The following ANXA3 variants were observed in gnomAD, a reference collection of about 807,000 sequenced individuals.
ANXA3 encodes the protein 35-alpha calcimedin.
A neutral mutation model predicts 48.8 loss-of-function variants in ANXA3; 46 were observed. That is an observed-to-expected ratio of 0.94 (90% CI 0.74 to 1.21). The LOEUF (loss-of-function observed/expected upper bound fraction) is 1.21. Ranked by LOEUF, ANXA3 falls within the 50% of genes most tolerant of loss-of-function variation. The pLI is 0.00. For missense variants in ANXA3, 383 were observed against 378.6 expected (o/e 1.01, Z -0.10); for synonymous variants, 128 against 134.7 (o/e 0.95, Z 0.35).
At chr4:78,608,710 G>A (rs1320619025) in intron 12 of ANXA3, among the ~76,000 whole-genome samples, 1 of 152,114 alleles carries the variant, frequency 6.6e-6, no homozygotes, top group African/African-American at 2.4e-5. Context: ...AGAGGATCAG[G>A]TTTTAGGTTG....
intron 11 of ANXA3, chr4:78,602,141 T>G (rs1421923717): frequency 6.7e-6 from 1 of 148,706 alleles, no homozygotes; most frequent in Admixed American, 6.8e-5. Context: ...CTCGCGAGGC[T>G]GAGGCAGAGA....
chr4:78,580,021 A>G (rs1465115754), intron 4 of ANXA3, among the ~76,000 whole-genome samples: 1 of 152,270 alleles, frequency 6.6e-6, no homozygotes, highest in Non-Finnish European at 1.5e-5. Context: ...AATCTGTGTT[A>G]GGAGATATCC....
chr4:78,593,113 C>CA (rs1723334676), intron 7 of ANXA3, among the ~76,000 whole-genome samples: 44 of 144,030 alleles, frequency 3.1e-4, no homozygotes, highest in Middle Eastern at 3.6e-3. Flanking sequence ...AACACACATA[C>CA]CACACACACA....
chr4:78,576,250 G>C (rs1477095294), intron 3 of ANXA3, among the ~76,000 whole-genome samples: 1 of 151,760 alleles, frequency 6.6e-6, no homozygotes, highest in African/African-American at 2.4e-5. Context: ...CTGCCTGTTT[G>C]AGGTTTATTT....
In ANXA3 at chr4:78,597,336, A is replaced by C. The variant is rs1430644112; in HGVS notation, c.652A>C (p.Asn218His). Residue 218 changes from asparagine to histidine, a missense_variant, in exon 10 of 13, where the codon AAT (asparagine) becomes CAT (histidine). By Grantham distance (68) the Asn-to-His change is moderately conservative (BLOSUM62 1). Coordinates refer to ENST00000264908, the MANE Select transcript of ANXA3 (RefSeq NM_005139.3). ...CTTTTTAGCATTTGATGAATACAGA[A>C]ATATCAGCCAAAAGGACATTGTGGA... ...QLKLTFDEYR[N>H]ISQKDIVDSI... is the part of the protein sequence containing the mutation. 4 of 1,608,836 alleles carry C rather than the reference A, an allele frequency of 2.5e-6. No homozygotes were observed. The highest frequency in any genetic ancestry group is 3.4e-6 in the Non-Finnish European group (4 of 1,177,186).
intron 2 of ANXA3, among the ~76,000 whole-genome samples, chr4:78,566,215 A>G (rs1363443953): frequency 6.6e-6 from 1 of 152,014 alleles, no homozygotes; most frequent in African/African-American, 2.4e-5. Flanking sequence ...TACAACATCA[A>G]TGGCTTGTTT....
At chr4:78,587,998 A>G (rs1381638995) in intron 6 of ANXA3, among the ~76,000 whole-genome samples, 1 of 152,208 alleles carries the variant, frequency 6.6e-6, no homozygotes, top group Non-Finnish European at 1.5e-5. Context: ...CAGGAGGCTG[A>G]GGCAGGAGAA....
chr4:78,557,973 T>C (rs1722550847), intron 2 of ANXA3, among the ~76,000 whole-genome samples: 4 of 152,196 alleles, frequency 2.6e-5, no homozygotes. Context: ...AGCAGCCCAG[T>C]TTCCATTGAC....
At chr4:78,577,323 T>C (rs1240428464) in intron 3 of ANXA3, among the ~76,000 whole-genome samples, 1 of 152,118 alleles carries the variant, frequency 6.6e-6, no homozygotes, top group Non-Finnish European at 1.5e-5. Context: ...TCCCAGGGTT[T>C]TTGCCTGGAT....
At chr4:78,580,390 T>C (rs1723047699) in intron 4 of ANXA3, among the ~76,000 whole-genome samples, 1 of 152,076 alleles carries the variant, frequency 6.6e-6, no homozygotes, top group Non-Finnish European at 1.5e-5. Flanking sequence ...GGCAGGAATG[T>C]AGAAAGTGAA....
intron 6 of ANXA3, among the ~76,000 whole-genome samples, chr4:78,590,848 C>T (rs1325716336): frequency 2.0e-5 from 3 of 150,614 alleles, no homozygotes; most frequent in South Asian, 2.1e-4. Flanking sequence ...TTATTTCTAT[C>T]ATATGTAGAA....
chr4:78,589,290 A>G (rs533208313), intron 6 of ANXA3, among the ~76,000 whole-genome samples: 1 of 152,338 alleles, frequency 6.6e-6, no homozygotes, highest in African/African-American at 2.4e-5. Flanking sequence ...CAGAGCCTCA[A>G]TTTCTATGTG....
At chr4:78,567,397 A>G (rs1211056264) in intron 2 of ANXA3, among the ~76,000 whole-genome samples, 1 of 152,182 alleles carries the variant, frequency 6.6e-6, no homozygotes, top group African/African-American at 2.4e-5. Context: ...GGTATAGGGG[A>G]GTAACAGTAA....
intron 10 of ANXA3, among the ~76,000 whole-genome samples, chr4:78,600,841 A>G (rs1723519959): frequency 6.6e-6 from 1 of 152,162 alleles, no homozygotes; most frequent in Admixed American, 6.5e-5. Flanking sequence ...CTTTTTATTT[A>G]AAAGATAATT....
chr4:78,608,189 G>A (rs1723691003), intron 12 of ANXA3, among the ~76,000 whole-genome samples: 1 of 152,186 alleles, frequency 6.6e-6, no homozygotes, highest in Non-Finnish European at 1.5e-5. Context: ...TAAATGTAAA[G>A]GAAAGTGACA....
intron 1 of ANXA3, among the ~76,000 whole-genome samples, chr4:78,552,712 C>T (rs1722424732): frequency 1.3e-5 from 2 of 152,210 alleles, no homozygotes; most frequent in African/African-American, 4.8e-5. Context: ...AGACCCTGCC[C>T]TCCGGGAAAG....
chr4:78,566,096 AG>A (rs1249404321), intron 2 of ANXA3, among the ~76,000 whole-genome samples: 4 of 152,184 alleles, frequency 2.6e-5, no homozygotes, highest in Non-Finnish European at 5.9e-5. Flanking sequence ...AGAGGCGGGA[AG>A]AAACCTAGGA....
chr4:78,567,981 T>A (rs1411952664), intron 2 of ANXA3, among the ~76,000 whole-genome samples: 1 of 152,232 alleles, frequency 6.6e-6, no homozygotes, highest in African/African-American at 2.4e-5. Flanking sequence ...CACCATCACA[T>A]CACATTCTTT....
intron 12 of ANXA3, among the ~76,000 whole-genome samples, chr4:78,606,684 T>C (rs957329015): frequency 1.3e-5 from 2 of 152,192 alleles, no homozygotes; most frequent in Admixed American, 1.3e-4. Context: ...TTTGAATGAA[T>C]GAATGAATGA....
Sources: allele counts gnomAD v4.1 joint callset (sites outside exome capture counted in the v4.1 genomes callset), GRCh38; gene constraint gnomAD v4.1.1; transcripts MANE v1.5; gene names NCBI Gene and HGNC (gene_info 2026-07-23, HGNC 2026-07-21).